The following RPAP2 variants were observed in gnomAD, a reference collection of about 807,000 sequenced individuals.
RPAP2 encodes the protein putative RNA polymerase II subunit B1 CTD phosphatase RPAP2.
RPAP2 carries 52 observed loss-of-function variants against 73.1 expected under a neutral mutation model. The observed-to-expected ratio is 0.71, with a 90% confidence interval of 0.57 to 0.90. The LOEUF is 0.90. Among genes scored for constraint, RPAP2 ranks in the 40% least tolerant of loss-of-function variants. RPAP2 has a pLI of 0.00. For synonymous variants in RPAP2, 225 were observed against 242.1 expected, an observed-to-expected ratio of 0.93 and a Z score of 0.65; for missense variants, 598 against 701.8, an observed-to-expected ratio of 0.85 and a Z score of 1.67.
intron 11 of RPAP2, among the ~76,000 whole-genome samples, chr1:92,362,149 A>G (rs1395845733): frequency 6.6e-6 from 1 of 152,204 alleles, no homozygotes; most frequent in Non-Finnish European, 1.5e-5. Flanking sequence ...GGAGAAAAAA[A>G]TTATTCCCAG....
intron 12 of RPAP2, among the ~76,000 whole-genome samples, chr1:92,386,702 T>G (rs1401286119): frequency 1.3e-5 from 2 of 152,040 alleles, no homozygotes; most frequent in African/African-American, 4.8e-5. Context: ...TGTTGTTTTG[T>G]TTTTTGGGTT....
At chr1:92,346,169 G>GTT (rs11304679) in intron 11 of RPAP2, among the ~76,000 whole-genome samples, 11 of 140,378 alleles carry the variant, frequency 7.8e-5, no homozygotes, top group African/African-American at 2.3e-4. Context: ...TCTCTTTTTT[G>GTT]TTTTTTTTTT....
At chr1:92,362,982 C>T (rs4658300) in intron 11 of RPAP2, among the ~76,000 whole-genome samples, 72,226 of 151,984 alleles carry the variant, frequency 0.48, 18,177 homozygotes, top group East Asian at 0.96. Context: ...GTGCCACTAG[C>T]TAATTCTTTG....
chr1:92,399,510 C>T lies in RPAP2; in HGVS notation c.*12499C>T, dbSNP rs1383785917. ...AGGAAAAGCCAGTCCCCTAGATGCC[C>T]ATCTGACCCTACCTTACTGGGGTCA... is the stretch of plus-strand genomic sequence containing the variant. On this transcript the variant is annotated 3_prime_UTR_variant, in exon 13 of 13. Transcript: ENST00000610020. 1 of 152,178 alleles carries T rather than the reference C, an allele frequency of 6.6e-6. No homozygotes were observed. Among genetic ancestry groups the T allele is most frequent in the Non-Finnish European group, 1.5e-5 (1 of 68,026 alleles). The allele number at this position is 152,178 out of a possible 1,614,324, so 9.4% of individuals were successfully genotyped here.
Position 92,391,178 on chromosome 1 carries a change from CA to C in RPAP2, c.*4170del, listed in dbSNP as rs1040840451. ...AAATGCAAAAGAACAGAAATCACAA[CA>C]AACCGTCTCAGACCACAATGCAATC... On this transcript the variant is annotated 3_prime_UTR_variant, in exon 13 of 13. Coordinates refer to ENST00000610020, the MANE Select transcript of RPAP2 (RefSeq NM_024813.3). 3.3e-5 allele frequency: 5 copies of C among 152,112 alleles called. No individual in the cohort carries two copies. The highest frequency in any genetic ancestry group is 7.3e-5 in the Non-Finnish European group (5 of 68,030). 9.4% of individuals were successfully genotyped at this position (152,112 alleles called of 1,614,324 possible).
chr1:92,318,545 G>A (rs529673607), intron 6 of RPAP2, among the ~76,000 whole-genome samples: 5 of 151,006 alleles, frequency 3.3e-5, no homozygotes, highest in African/African-American at 1.2e-4. Flanking sequence ...ACTTTGAATC[G>A]ACCACCAACC....
chr1:92,362,245 T>G (rs552321629), intron 11 of RPAP2, among the ~76,000 whole-genome samples: 1 of 152,202 alleles, frequency 6.6e-6, no homozygotes, highest in African/African-American at 2.4e-5. Flanking sequence ...ATTTAGATTG[T>G]ATATTATAGA....
intron 6 of RPAP2, 34 bp from the exon 7 acceptor site, chr1:92,320,565 C>A: frequency 6.2e-7 from 1 of 1,602,664 alleles, no homozygotes; most frequent in South Asian, 1.1e-5. Flanking sequence ...CCACCGCACC[C>A]GGCCTAATTT....
At chr1:92,301,709 T>G in intron 3 of RPAP2, 119 bp downstream of exon 3, 1 of 440,380 alleles carries the variant, frequency 2.3e-6, no homozygotes, top group Non-Finnish European at 4.0e-6. Flanking sequence ...TAGATGCAGA[T>G]AACAATCCAT....
At chr1:92,309,566 TAC>T (rs1404710451) in intron 6 of RPAP2, among the ~76,000 whole-genome samples, 307 of 24,796 alleles carry the variant, frequency 0.012, no homozygotes, top group Non-Finnish European at 0.021. Flanking sequence ...CACATACACA[TAC>T]ACATATACAT....
At chr1:92,372,242 T>C (rs1333834427) in intron 11 of RPAP2, among the ~76,000 whole-genome samples, 1 of 152,202 alleles carries the variant, frequency 6.6e-6, no homozygotes, top group Non-Finnish European at 1.5e-5. Flanking sequence ...ATATTTCACC[T>C]ATAAGGCTTA....
At chr1:92,373,733 TAAAAATAAAAAAAAAAAAA>T (rs1302095845) in intron 11 of RPAP2, among the ~76,000 whole-genome samples, 19 of 40,892 alleles carry the variant, frequency 4.6e-4, no homozygotes, top group East Asian at 8.8e-4. Flanking sequence ...CCGTCTCTAC[TAAAAATAAAAAAAAAAAAA>T]AAAAAAAAAA....
At chr1:92,333,866 GT>G (rs1472226751) in intron 9 of RPAP2, among the ~76,000 whole-genome samples, 1 of 152,192 alleles carries the variant, frequency 6.6e-6, no homozygotes, top group Non-Finnish European at 1.5e-5. Flanking sequence ...GGTCTGTTAA[GT>G]CACTCTGCAT....
intron 7 of RPAP2, among the ~76,000 whole-genome samples, chr1:92,322,001 A>G (rs1052070718): frequency 1.4e-5 from 2 of 142,874 alleles, no homozygotes; most frequent in African/African-American, 5.3e-5. Flanking sequence ...GCTAGAATGC[A>G]GTGGCGCGAT....
At chr1:92,310,759 T>C (rs1010093508) in intron 6 of RPAP2, among the ~76,000 whole-genome samples, 2 of 151,704 alleles carry the variant, frequency 1.3e-5, no homozygotes, top group Non-Finnish European at 2.9e-5. Flanking sequence ...TAGCCAGGAG[T>C]GCTGGAACAT....
chr1:92,307,400 G>A (rs1168342513), intron 6 of RPAP2, 124 bp downstream of exon 6: 2 of 600,332 alleles, frequency 3.3e-6, no homozygotes, highest in African/African-American at 3.7e-5. Context: ...ATACTTTATG[G>A]GGAAATGGTT....
intron 8 of RPAP2, among the ~76,000 whole-genome samples, chr1:92,333,063 T>C (rs1410738838): frequency 6.6e-6 from 1 of 152,164 alleles, no homozygotes; most frequent in Admixed American, 6.5e-5. Context: ...TTGCTAATTT[T>C]AATATTTTAA....
At chr1:92,310,590 A>C (rs192765789) in intron 6 of RPAP2, among the ~76,000 whole-genome samples, 3 of 152,258 alleles carry the variant, frequency 2.0e-5, no homozygotes, top group African/African-American at 4.8e-5. Context: ...AATAATCATA[A>C]TTTTAAAATA....
rs572512340 is a variant in RPAP2 at position 92,326,623 on chromosome 1, G to T, written c.1455+2248G>T. Among the ~76,000 whole-genome samples the T allele has an allele frequency of 4.6e-5, 7 of 152,304 alleles. No individual in the cohort carries two copies. In the South Asian group the frequency reaches 1.5e-3, roughly 32 times the overall value. Reference sequence around the variant, plus strand: ...GTCTGAACTCAAGACTCCTTGGGCAGGGCTTGCTGTGGCTGTTGTGGGGGA... The same window carrying T: ...GTCTGAACTCAAGACTCCTTGGGCATGGCTTGCTGTGGCTGTTGTGGGGGA... On this transcript the variant is annotated intron_variant, in intron 8 of 12. Transcript: ENST00000610020.
Sources: allele counts gnomAD v4.1 joint callset (sites outside exome capture counted in the v4.1 genomes callset), GRCh38; gene constraint gnomAD v4.1.1; transcripts MANE v1.5; gene names NCBI Gene and HGNC (gene_info 2026-07-23, HGNC 2026-07-21).